The following RAB35 variants were observed in gnomAD, a reference collection of about 807,000 sequenced individuals.
The protein encoded by RAB35 is RAB35, member RAS oncogene family, also known as ras-related protein Rab-35.
In RAB35, 4 loss-of-function variants were observed where a neutral mutation model predicts 28.9. The observed-to-expected ratio is 0.14, with a 90% CI of 0.07 to 0.32. The LOEUF (loss-of-function observed/expected upper bound fraction) is 0.32. Among genes scored for constraint, RAB35 ranks in the 10% least tolerant of loss-of-function variants. The probability of loss-of-function intolerance (pLI) is 1.00; values close to 1 mark genes in which losing one functional copy is unlikely to be tolerated. For missense variants in RAB35, 128 were observed against 274.0 expected (o/e 0.47, Z 3.76); for synonymous variants, 99 against 105.1 (o/e 0.94, Z 0.35).
intron 3 of RAB35, among the ~76,000 whole-genome samples, chr12:120,099,736 C>T (rs968890394): frequency 2.0e-5 from 3 of 152,076 alleles, no homozygotes; most frequent in East Asian, 3.9e-4. Flanking sequence ...GGGGAGAGGG[C>T]GCCCAGCAAA....
chr12:120,097,392 A>T lies in RAB35; in HGVS notation c.478-19T>A, dbSNP rs757975887. 1 of 1,599,524 alleles carries T rather than the reference A, an allele frequency of 6.3e-7. No individual in the cohort carries two copies. The highest frequency in any genetic ancestry group is 1.7e-5 in the Admixed American group (1 of 59,418). On this transcript the variant is annotated intron_variant, in intron 5 of 5. Transcript: ENST00000229340. ...TGAACATCTGTGGAGAGGAAAGAGGAAGGGCCCGCCTCAGACCTGGCCAGG... is the reference window on the plus strand; with the variant it reads ...TGAACATCTGTGGAGAGGAAAGAGGTAGGGCCCGCCTCAGACCTGGCCAGG...
chr12:120,116,484 G>GC, intron 1 of RAB35, 115 bp downstream of exon 1: 179 of 682,286 alleles, frequency 2.6e-4, no homozygotes, highest in Non-Finnish European at 3.0e-4. Context: ...CCGCCGGGCT[G>GC]CCCCGCCCGC....
Position 120,096,451 on chromosome 12 carries a change from A to C in RAB35, c.*794T>G. On this transcript the variant is annotated 3_prime_UTR_variant, in exon 6 of 6. Transcript: ENST00000229340. ...CTCCCATAGCCCCCCTGCCAGCCCCATCTCTGCACGAACCTACCCCGACCT... is the reference window on the plus strand; with the variant it reads ...CTCCCATAGCCCCCCTGCCAGCCCCCTCTCTGCACGAACCTACCCCGACCT... 1 of 1,289,462 alleles carries C rather than the reference A, an allele frequency of 7.8e-7. No individual in the cohort carries two copies. The highest frequency in any genetic ancestry group is 2.1e-4 in the Middle Eastern group (1 of 4,694). 79.9% of individuals were successfully genotyped at this position (1,289,462 alleles called of 1,614,324 possible). A position where few individuals can be genotyped will look rare whatever the true frequency, so the allele number is the denominator to read the frequency against.
intron 5 of RAB35, among the ~76,000 whole-genome samples, chr12:120,098,034 C>T (rs1285442510): frequency 2.6e-5 from 4 of 152,196 alleles, no homozygotes; most frequent in Admixed American, 2.6e-4. Flanking sequence ...CAGGCGCCCA[C>T]CACCACGCCC....
chr12:120,099,355 T>G, intron 3 of RAB35: 1 of 677,688 alleles, frequency 1.5e-6, no homozygotes, highest in Non-Finnish European at 2.4e-6. Context: ...TGACTCCCCC[T>G]GCCCGCCCGG....
At chr12:120,114,888 G>C (rs7956221) in intron 1 of RAB35, among the ~76,000 whole-genome samples, 8,804 of 152,216 alleles carry the variant, frequency 0.058, 511 homozygotes, top group African/African-American at 0.15. Context: ...AGGGATAAAG[G>C]CTCCTGACCA....
At chr12:120,113,318 C>A (rs911410396) in intron 1 of RAB35, among the ~76,000 whole-genome samples, 1 of 151,914 alleles carries the variant, frequency 6.6e-6, no homozygotes. Context: ...CTGCCCCCAG[C>A]CATGTTCTCA....
chr12:120,111,196 C>A (rs764813874), intron 1 of RAB35, among the ~76,000 whole-genome samples: 2 of 152,260 alleles, frequency 1.3e-5, no homozygotes, highest in Non-Finnish European at 2.9e-5. Context: ...AGCGCTCCCA[C>A]TGCAGCACAG....
At position 120,107,161 on chromosome 12, in the gene RAB35, G is replaced by T. The variant is rs111688217; in HGVS notation, c.103+1256C>A. Among the ~76,000 whole-genome samples, 16 of 148,552 alleles carry T rather than the reference G, an allele frequency of 1.1e-4. 2 individuals are homozygous for T. Among genetic ancestry groups the T allele is most frequent in the African/African-American group, 4.0e-4 (16 of 40,258 alleles). On this transcript the variant is annotated intron_variant, in intron 2 of 5. Transcript: ENST00000229340. ...GCACCACCACGCCCAGCTAATTTTT[G>T]TATTTTTAGTAGAGACGGGGTTTCA...
Position 120,097,237 on chromosome 12 carries a change from G to A in RAB35, c.*8C>T. On this transcript the variant is annotated 3_prime_UTR_variant, in exon 6 of 6. Coordinates refer to ENST00000229340, the MANE Select transcript of RAB35 (RefSeq NM_006861.7). ...CGCAGTGCAGTCTCTGCAGTGGACT[G>A]GGTGCCATTAGCAGCAGCGTTTCTT... is the stretch of plus-strand genomic sequence containing the variant. The A allele has an allele frequency of 1.2e-6, 2 of 1,614,140 alleles. No individual in the cohort carries two copies. Among genetic ancestry groups the A allele is most frequent in the East Asian group, 2.2e-5 (1 of 44,886 alleles).
chr12:120,112,509 C>T (rs1216663370), intron 1 of RAB35, among the ~76,000 whole-genome samples: 1 of 151,740 alleles, frequency 6.6e-6, no homozygotes, highest in Non-Finnish European at 1.5e-5. Context: ...TAGCTCATTG[C>T]AGTCTCAACC....
intron 2 of RAB35, among the ~76,000 whole-genome samples, chr12:120,108,015 A>G (rs1875959415): frequency 1.3e-5 from 2 of 152,222 alleles, no homozygotes; most frequent in South Asian, 4.1e-4. Context: ...AGCCCACCGC[A>G]CTCAGATGAA....
chr12:120,096,966 T>A lies in RAB35; in HGVS notation c.*279A>T. 7.0e-7 allele frequency: 1 copy of A among 1,437,494 alleles called. No individual in the cohort carries two copies. Among genetic ancestry groups the A allele is most frequent in the Non-Finnish European group, 9.2e-7 (1 of 1,084,660 alleles). 89.0% of individuals were successfully genotyped at this position (1,437,494 alleles called of 1,614,324 possible). ...AGAGCAATATACACTATGTACAGACTCTGCGAATCAGTCCGCTCGGCGGGC... is the reference window on the plus strand; with the variant it reads ...AGAGCAATATACACTATGTACAGACACTGCGAATCAGTCCGCTCGGCGGGC... On this transcript the variant is annotated 3_prime_UTR_variant, in exon 6 of 6. Coordinates refer to ENST00000229340, the MANE Select transcript of RAB35 (RefSeq NM_006861.7).
rs1187865969 is a variant in RAB35, at chr12:120,103,253, C to T, written c.227+573G>A. 1.3e-5 allele frequency among the ~76,000 whole-genome samples: 2 copies of T among 152,340 alleles called. No homozygotes were observed. The highest frequency in any genetic ancestry group is 2.1e-4 in the South Asian group (1 of 4,830). On this transcript the variant is annotated intron_variant, in intron 3 of 5. Transcript: ENST00000229340. The surrounding 1 kb of genome is among the most constrained non-coding windows in gnomAD (Gnocchi z 6.1). ...TCTGCGCAGGAGCCCAGCTTCCCCC[C>T]GGCCTGCAGCTCAGCCACAAAGGTG...
intron 4 of RAB35, 40 bp downstream of exon 4, chr12:120,098,990 C>T (rs773044791): frequency 6.2e-7 from 1 of 1,613,956 alleles, no homozygotes; most frequent in African/African-American, 1.3e-5. Flanking sequence ...GGCTGCCTCT[C>T]TCCCACCCAA....
At chr12:120,098,180 G>A (rs1445110311) in intron 5 of RAB35, among the ~76,000 whole-genome samples, 2 of 152,328 alleles carry the variant, frequency 1.3e-5, no homozygotes, top group South Asian at 2.1e-4. Flanking sequence ...CGGCGCGCCC[G>A]GCCCAGCTGG....
intron 5 of RAB35, among the ~76,000 whole-genome samples, chr12:120,097,849 A>G (rs1245542840): frequency 6.6e-6 from 1 of 150,812 alleles, no homozygotes; most frequent in Non-Finnish European, 1.5e-5. Flanking sequence ...CTTCTTTTAG[A>G]GAGACCAACC....
At chr12:120,101,194 C>G (rs1257460479) in intron 3 of RAB35, among the ~76,000 whole-genome samples, 1 of 152,236 alleles carries the variant, frequency 6.6e-6, no homozygotes, top group African/African-American at 2.4e-5. Context: ...GGACTCTGCT[C>G]TAGGCCAGGC....
At chr12:120,116,502 G>C (rs2139066961) in intron 1 of RAB35, 97 bp downstream of exon 1, 597 of 450,340 alleles carry the variant, frequency 1.3e-3, no homozygotes, top group Non-Finnish European at 1.6e-3. Context: ...CGCCCGCCCC[G>C]CACGGGCCGG....
Sources: gnomAD v4.1 joint callset for allele counts (sites outside exome capture counted in the v4.1 genomes callset) on GRCh38, gnomAD v4.1.1 for gene constraint, Gnocchi (gnomAD v3.1) non-coding constraint, MANE v1.5 for transcripts, NCBI Gene and HGNC (gene_info 2026-07-23, HGNC 2026-07-21) for gene names.